The following PPEF1 variants were observed in gnomAD, a reference collection of about 807,000 sequenced individuals.
PPEF1 encodes the protein serine/threonine-protein phosphatase with EF-hands 1.
PPEF1 carries 12 observed loss-of-function variants against 53.3 expected under a neutral mutation model. The ratio of observed to expected loss-of-function variants is 0.23; its 90% CI spans 0.14 to 0.36. PPEF1 has a LOEUF of 0.36. Ranked by LOEUF, PPEF1 falls within the 10% of genes least tolerant of loss-of-function variation. The pLI is 1.00. For synonymous variants in PPEF1, 165 were observed against 176.7 expected, an observed-to-expected ratio of 0.93 and a Z score of 0.52; for missense variants, 334 against 490.4, an observed-to-expected ratio of 0.68 and a Z score of 3.01.
intron 9 of PPEF1, among the ~76,000 whole-genome samples, chrX:18,786,780 C>CAAAAA (rs761641178): frequency 3.4e-4 from 20 of 58,643 alleles, no homozygotes; most frequent in East Asian, 1.5e-3. Flanking sequence ...AACACTATCT[C>CAAAAA]AAAAAAAAAA....
At chrX:18,716,131 A>G (rs745538140) in intron 1 of PPEF1, among the ~76,000 whole-genome samples, 40 of 112,456 alleles carry the variant, frequency 3.6e-4, no homozygotes, top group Non-Finnish European at 6.7e-4. Flanking sequence ...TGTTCCTTTC[A>G]AAAGTACTCA....
Position 18,778,994 on chromosome X carries a change from TCTC to T in PPEF1, c.559-10_559-8del, listed in dbSNP as rs2046027388. Reference sequence around the variant, plus strand: ...TCTTTTAATTCCTTGTTTTTTCCCTTCTCCTCCTTCCACAGAATGGTCTCCCCT... The same window carrying T: ...TCTTTTAATTCCTTGTTTTTTCCCTTCTCCTTCCACAGAATGGTCTCCCCT... On this transcript the variant is annotated splice_polypyrimidine_tract_variant and intron_variant, in intron 6 of 15. Transcript: ENST00000470157. 2 of 1,175,034 alleles carry T rather than the reference TCTC, an allele frequency of 1.7e-6. No homozygotes were observed. Among genetic ancestry groups the T allele is most frequent in the South Asian group, 1.8e-5 (1 of 54,126 alleles).
At chrX:18,766,881 C>T (rs776194254) in intron 6 of PPEF1, among the ~76,000 whole-genome samples, 1 of 90,356 alleles carries the variant, frequency 1.1e-5, no homozygotes, top group African/African-American at 4.1e-5. Flanking sequence ...GAACCCCATT[C>T]TCTACTAAAT....
At chrX:18,741,396 T>C (rs995820981) in intron 3 of PPEF1, among the ~76,000 whole-genome samples, 4 of 112,178 alleles carry the variant, frequency 3.6e-5, no homozygotes, top group Non-Finnish European at 5.6e-5. Flanking sequence ...TCATTGTTGT[T>C]GTTTTAATCT....
chrX:18,731,903 T>C (rs2044846228), intron 2 of PPEF1, among the ~76,000 whole-genome samples: 2 of 112,331 alleles, frequency 1.8e-5, no homozygotes, highest in Admixed American at 9.5e-5. Flanking sequence ...TATTTATTTT[T>C]TTGAGACAGA....
At chrX:18,720,602 C>A (rs1019376906) in intron 1 of PPEF1, among the ~76,000 whole-genome samples, 1 of 110,487 alleles carries the variant, frequency 9.1e-6, no homozygotes, top group Non-Finnish European at 1.9e-5. Flanking sequence ...AAAAAAAAAA[C>A]AAAAATTTCT....
intron 1 of PPEF1, among the ~76,000 whole-genome samples, chrX:18,711,754 C>CTTTT (rs536021892): frequency 1.1e-5 from 1 of 89,221 alleles, no homozygotes. Context: ...ATTACTATAG[C>CTTTT]TTTTTTTTTT....
chrX:18,782,410 A>G lies in PPEF1; in HGVS notation c.762+8A>G. 9.3e-7 allele frequency: 1 copy of G among 1,070,032 alleles called. No individual in the cohort carries two copies. Among genetic ancestry groups the G allele is most frequent in the Non-Finnish European group, 1.2e-6 (1 of 801,536 alleles). 88.2% of individuals were successfully genotyped at this position (1,070,032 alleles called of 1,213,427 possible). On this transcript the variant is annotated splice_region_variant and intron_variant, in intron 8 of 15. Coordinates refer to ENST00000470157, the MANE Select transcript of PPEF1 (RefSeq NM_001377996.1). ...ATTTTGCATAAATATAAGGTAAGACATGCTTTTTTTTTTTTTTTTAGTATT... is the reference window on the plus strand; with the variant it reads ...ATTTTGCATAAATATAAGGTAAGACGTGCTTTTTTTTTTTTTTTTAGTATT...
intron 6 of PPEF1, among the ~76,000 whole-genome samples, chrX:18,762,269 G>A (rs1336675181): frequency 9.0e-6 from 1 of 111,446 alleles, no homozygotes; most frequent in Non-Finnish European, 1.9e-5. Flanking sequence ...CCTTCACAGC[G>A]GTTACCCCTT....
chrX:18,690,364 T>G (rs1181741949), intron 3 of PPEF1, among the ~76,000 whole-genome samples: 4 of 104,561 alleles, frequency 3.8e-5, no homozygotes, highest in Non-Finnish European at 7.9e-5. Context: ...ACTTGTTTTT[T>G]TTTTTTTTTT....
chrX:18,732,568 T>C (rs2044862262), intron 2 of PPEF1, among the ~76,000 whole-genome samples: 1 of 112,234 alleles, frequency 8.9e-6, no homozygotes, highest in African/African-American at 3.2e-5. Flanking sequence ...AAGTGATGTC[T>C]GATTGTGGTT....
upstream of PPEF1, among the ~76,000 whole-genome samples, chrX:18,678,049 T>C (rs1466609594): frequency 9.6e-6 from 1 of 103,735 alleles, no homozygotes; most frequent in Admixed American, 1.1e-4. Flanking sequence ...CAGAATCCCT[T>C]GAGCTCAGGA....
At chrX:18,710,877 C>T (rs1348633070) in intron 1 of PPEF1, among the ~76,000 whole-genome samples, 1 of 111,000 alleles carries the variant, frequency 9.0e-6, no homozygotes. Flanking sequence ...GATATCTACA[C>T]TCTTATGTTT....
chrX:18,743,451 T>C (rs1460272346), intron 3 of PPEF1, among the ~76,000 whole-genome samples: 47 of 90,575 alleles, frequency 5.2e-4, no homozygotes, highest in Non-Finnish European at 7.2e-4. Context: ...TTTTTCTTTT[T>C]TTTTTTTTTT....
At chrX:18,758,406 A>G (rs201491521) in intron 5 of PPEF1, among the ~76,000 whole-genome samples, 1 of 112,254 alleles carries the variant, frequency 8.9e-6, no homozygotes, top group East Asian at 2.8e-4. Flanking sequence ...CCTTTAGGTT[A>G]CAAAACAGTG....
intron 4 of PPEF1, among the ~76,000 whole-genome samples, chrX:18,757,046 C>T (rs1419806260): frequency 9.0e-6 from 1 of 110,960 alleles, no homozygotes; most frequent in African/African-American, 3.3e-5. Flanking sequence ...CCTATCTCTT[C>T]CCCACCACAA....
chrX:18,780,776 C>T (rs970809100), intron 7 of PPEF1, among the ~76,000 whole-genome samples: 1 of 110,420 alleles, frequency 9.1e-6, no homozygotes, highest in East Asian at 2.9e-4. Flanking sequence ...GGGAATCGGC[C>T]GGGCATGGTA....
At chrX:18,778,026 T>C (rs2046004889) in intron 6 of PPEF1, among the ~76,000 whole-genome samples, 1 of 111,663 alleles carries the variant, frequency 9.0e-6, no homozygotes, top group African/African-American at 3.3e-5. Flanking sequence ...ATTAAAGGTA[T>C]GAACCACCAT....
At chrX:18,710,746 C>G (rs779611552) in intron 1 of PPEF1, among the ~76,000 whole-genome samples, 3 of 111,409 alleles carry the variant, frequency 2.7e-5, no homozygotes, top group South Asian at 7.5e-4. Context: ...TAAATTAGTA[C>G]AACCTCTGTG....
Sources: gnomAD v4.1 joint callset for allele counts (sites outside exome capture counted in the v4.1 genomes callset) on GRCh38, gnomAD v4.1.1 for gene constraint, MANE v1.5 for transcripts, NCBI Gene and HGNC (gene_info 2026-07-23, HGNC 2026-07-21) for gene names.